USH2A: variants seen among roughly 807,000 people sequenced by gnomAD.
The protein encoded by USH2A is usherin.
In USH2A, 443 loss-of-function variants were observed where a neutral mutation model predicts 538.9. The ratio of observed to expected loss-of-function variants is 0.82; its 90% CI spans 0.76 to 0.89. The LOEUF (loss-of-function observed/expected upper bound fraction) is 0.89, where lower values mean the gene tolerates loss of function less well. USH2A is among the 40% of genes least tolerant of loss of function. The pLI, the probability that USH2A is intolerant of heterozygous loss-of-function variation, is 0.00. For synonymous variants in USH2A, 2,413 were observed against 2,273.5 expected (o/e 1.06, Z -1.75); for missense variants, 6,633 against 6,324.8 (o/e 1.05, Z -1.65).
intron 32 of USH2A, among the ~76,000 whole-genome samples, chr1:216,020,584 G>T (rs559888577): frequency 1.3e-5 from 2 of 152,206 alleles, no homozygotes; most frequent in African/African-American, 4.8e-5. Flanking sequence ...AGCATCTTTT[G>T]TTCTAATTAA....
chr1:215,878,114 C>T (rs1368523847), intron 42 of USH2A, among the ~76,000 whole-genome samples: 3 of 152,030 alleles, frequency 2.0e-5, no homozygotes, highest in Non-Finnish European at 2.9e-5. Context: ...ACTATTATCT[C>T]CCAGAATGAT....
intron 30 of USH2A, among the ~76,000 whole-genome samples, chr1:216,050,911 C>T (rs371318354): frequency 1.4e-4 from 21 of 152,016 alleles, no homozygotes; most frequent in South Asian, 8.3e-4. Flanking sequence ...GGCCGGCCGA[C>T]GCTTTGTATC....
intron 4 of USH2A, among the ~76,000 whole-genome samples, chr1:216,336,965 C>G (rs894766490): frequency 6.6e-6 from 1 of 151,348 alleles, no homozygotes; most frequent in Non-Finnish European, 1.5e-5. Context: ...TGAATTGATT[C>G]AGATTTCCTT....
chr1:216,037,352 T>C (rs1344579279), intron 32 of USH2A, among the ~76,000 whole-genome samples: 2 of 152,122 alleles, frequency 1.3e-5, no homozygotes, highest in East Asian at 3.9e-4. Context: ...CATTAGCAGA[T>C]GTTATTGTTT....
chr1:215,861,662 A>C (rs1363742308), intron 44 of USH2A, among the ~76,000 whole-genome samples: 2 of 152,162 alleles, frequency 1.3e-5, no homozygotes, highest in East Asian at 1.9e-4. Context: ...GTTAATACCC[A>C]AAAAGATGCA....
chr1:215,972,119 A>G (rs1179664635), intron 35 of USH2A, among the ~76,000 whole-genome samples: 2 of 152,196 alleles, frequency 1.3e-5, no homozygotes, highest in East Asian at 3.8e-4. Context: ...CCTACAAACT[A>G]CAAACTACAT....
At chr1:215,637,154 G>A (rs1656521130) in intron 69 of USH2A, among the ~76,000 whole-genome samples, 1 of 152,126 alleles carries the variant, frequency 6.6e-6, no homozygotes, top group African/African-American at 2.4e-5. Context: ...ATCCGTCTCT[G>A]TTGATGGCCT....
intron 21 of USH2A, among the ~76,000 whole-genome samples, chr1:216,146,358 C>G (rs887890695): frequency 3.9e-5 from 6 of 152,194 alleles, no homozygotes; most frequent in African/African-American, 1.2e-4. Flanking sequence ...TATCCGTGAA[C>G]TCAAAACTCC....
chr1:215,741,672 T>A, intron 59 of USH2A, 135 bp from the exon 60 acceptor site: 1 of 984,614 alleles, frequency 1.0e-6, no homozygotes, highest in Non-Finnish European at 1.4e-6. Flanking sequence ...ACATGTGTTT[T>A]AAATAAATTT....
intron 20 of USH2A, among the ~76,000 whole-genome samples, chr1:216,185,617 T>C (rs2034583792): frequency 6.6e-6 from 1 of 151,900 alleles, no homozygotes; most frequent in African/African-American, 2.4e-5. Context: ...TGGAGTTCAT[T>C]GGAATAATAT....
intron 4 of USH2A, among the ~76,000 whole-genome samples, chr1:216,353,253 G>A (rs2038320063): frequency 6.6e-6 from 1 of 151,970 alleles, no homozygotes; most frequent in Non-Finnish European, 1.5e-5. Context: ...CAGGGTATAA[G>A]GGGTATACAC....
At chr1:215,694,311 C>T (rs922951390) in intron 61 of USH2A, among the ~76,000 whole-genome samples, 4 of 152,186 alleles carry the variant, frequency 2.6e-5, no homozygotes, top group Non-Finnish European at 5.9e-5. Context: ...TGGTGGCTCA[C>T]ACCTGTAATC....
intron 21 of USH2A, among the ~76,000 whole-genome samples, chr1:216,124,380 T>G (rs2033202890): frequency 2.6e-5 from 4 of 151,930 alleles, no homozygotes; most frequent in Admixed American, 2.6e-4. Flanking sequence ...GCGTATTGAT[T>G]AGGTACTGCA....
chr1:216,231,906 C>T lies in USH2A; in HGVS notation c.2993+47G>A, dbSNP rs2035703523. Reference sequence around the variant, plus strand: ...CTTTGCAACTGCCAAAAAAAGTTAACTGTTGCTAAAGAAAGAGTTAAATTA... The same window carrying T: ...CTTTGCAACTGCCAAAAAAAGTTAATTGTTGCTAAAGAAAGAGTTAAATTA... On this transcript the variant is annotated intron_variant, in intron 14 of 71. Coordinates refer to ENST00000307340, the MANE Select transcript of USH2A (RefSeq NM_206933.4). 3.7e-6 allele frequency: 6 copies of T among 1,611,898 alleles called. No homozygotes were observed. The Admixed American group carries it at 1.0e-4, about 27-fold the overall frequency.
intron 45 of USH2A, among the ~76,000 whole-genome samples, chr1:215,845,174 A>G (rs1385075976): frequency 6.6e-6 from 1 of 152,134 alleles, no homozygotes; most frequent in East Asian, 1.9e-4. Context: ...ACCCTATTTT[A>G]TAAACAAAAG....
intron 55 of USH2A, among the ~76,000 whole-genome samples, chr1:215,773,988 C>T (rs1328752753): frequency 1.3e-5 from 2 of 152,136 alleles, no homozygotes; most frequent in African/African-American, 4.8e-5. Context: ...CATGCTAAAG[C>T]CATCTTTTCT....
intron 9 of USH2A, among the ~76,000 whole-genome samples, chr1:216,307,148 T>C (rs1007389732): frequency 3.3e-5 from 5 of 152,062 alleles, no homozygotes; most frequent in African/African-American, 1.2e-4. Flanking sequence ...TTATGTCCTT[T>C]GTCTGGCTAC....
intron 21 of USH2A, among the ~76,000 whole-genome samples, chr1:216,132,870 G>A (rs2033405696): frequency 6.6e-6 from 1 of 152,108 alleles, no homozygotes; most frequent in Non-Finnish European, 1.5e-5. Context: ...AATCCAGAAA[G>A]AGCAGAATGG....
intron 35 of USH2A, among the ~76,000 whole-genome samples, chr1:215,974,784 A>G (rs888496894): frequency 5.3e-5 from 8 of 152,118 alleles, no homozygotes; most frequent in Non-Finnish European, 1.2e-4. Flanking sequence ...TCTTGTGACT[A>G]GTACTGTGAT....
Sources: gnomAD v4.1 joint callset for allele counts (sites outside exome capture counted in the v4.1 genomes callset) on GRCh38, gnomAD v4.1.1 for gene constraint, MANE v1.5 for transcripts, NCBI Gene and HGNC (gene_info 2026-07-23, HGNC 2026-07-21) for gene names.